Variants in GSN observed in about 807,000 individuals in gnomAD.
GSN encodes the protein actin-depolymerizing factor.
In GSN, 56 loss-of-function variants were observed where a neutral mutation model predicts 85.7. That is an observed-to-expected ratio of 0.65 (90% confidence interval 0.53 to 0.82). GSN has a LOEUF of 0.82. GSN is among the 40% of genes least tolerant of loss of function. GSN has a pLI of 0.00. For missense variants in GSN, 857 were observed against 979.8 expected (o/e 0.87, Z 1.67); for synonymous variants, 373 against 399.1 (o/e 0.93, Z 0.78).
chr9:121,268,598 C>CT (rs1198090206), intron 1 of GSN, among the ~76,000 whole-genome samples: 2 of 152,214 alleles, frequency 1.3e-5, no homozygotes, highest in South Asian at 2.1e-4. Flanking sequence ...CAGCTACGGT[C>CT]TGGGCGGTGA....
chr9:121,298,743 C>G (rs1279206023), intron 2 of GSN, among the ~76,000 whole-genome samples: 3 of 152,176 alleles, frequency 2.0e-5, no homozygotes, highest in Non-Finnish European at 2.9e-5. Context: ...AAGGGGAGGT[C>G]TGGGATACAA....
Position 121,332,803 on chromosome 9 carries a change from G to T in GSN, c.*200G>T. ...TTGCAAAATTGTCTAAAATGTCAGT[G>T]TTTGGGAAATTAAATCCAATAAAAA... On this transcript the variant is annotated 3_prime_UTR_variant, in exon 18 of 18. Transcript: ENST00000432226. This position sits in a 1 kb window ranked among gnomAD's most constrained non-coding sequence, Gnocchi z 4.8. 1.7e-6 allele frequency: 1 copy of T among 586,364 alleles called. No individual in the cohort carries two copies. The highest frequency in any genetic ancestry group is 3.0e-6 in the Non-Finnish European group (1 of 330,476). The allele number at this position is 586,364 out of a possible 1,614,324, so 36.3% of individuals were successfully genotyped here. A position where few individuals can be genotyped will look rare whatever the true frequency, so the allele number is the denominator to read the frequency against.
chr9:121,272,234 C>G (rs74981136), intron 1 of GSN, among the ~76,000 whole-genome samples: 1 of 152,186 alleles, frequency 6.6e-6, no homozygotes, highest in Non-Finnish European at 1.5e-5. Flanking sequence ...TGCCTGCTCT[C>G]GTCTGCCCTG....
At chr9:121,207,305 A>G (rs889277489), upstream of GSN, among the ~76,000 whole-genome samples, 1 of 152,224 alleles carries the variant, frequency 6.6e-6, no homozygotes, top group Non-Finnish European at 1.5e-5. Flanking sequence ...AGCAAGCAGC[A>G]TGAGCATCAG....
At chr9:121,215,462 G>C (rs2054045750) in intron 4 of GSN, among the ~76,000 whole-genome samples, 1 of 152,084 alleles carries the variant, frequency 6.6e-6, no homozygotes, top group Non-Finnish European at 1.5e-5. Flanking sequence ...GGGAGGCCGA[G>C]GTGGGTGGAT....
chr9:121,326,654 A>G lies in GSN; in HGVS notation c.1559A>G (p.Asn520Ser), dbSNP rs1291889856. 5 of 1,608,768 alleles carry G rather than the reference A, an allele frequency of 3.1e-6. No homozygotes were observed. In the Admixed American group the frequency reaches 6.8e-5, roughly 22 times the overall value. Residue 520 changes from asparagine to serine, a missense_variant, in exon 13 of 18, where the codon AAC becomes AGC. Physicochemically the swap from Asn to Ser is conservative, Grantham distance 46. Transcript: ENST00000432226. The part of the protein sequence containing the change: ...ASTRLFQVRA[N>S]SAGATRAVEV... Reference sequence around the variant, plus strand: ...ACCCGCCTCTTCCAGGTCCGCGCCAACAGCGCTGGAGCCACCCGGGCTGTT... The same window carrying G: ...ACCCGCCTCTTCCAGGTCCGCGCCAGCAGCGCTGGAGCCACCCGGGCTGTT...
Position 121,318,455 on chromosome 9 carries a change from T to G in GSN, c.936T>G (p.Ser312=). The change falls in exon 9 of 18, where the codon TCT becomes TCG. Residue 312 remains serine, a synonymous_variant. Transcript: ENST00000432226. The surrounding 1 kb of genome is among the most constrained non-coding windows in gnomAD (Gnocchi z 4.3). ...EERKAALKTA[S]DFITKMDYPK... The stretch of plus-strand genomic sequence containing the variant: ...GGAAGGCTGCCCTCAAAACAGCCTC[T>G]GACTTCATCACCAAGATGGACTACC... The G allele has an allele frequency of 6.2e-7, 1 of 1,614,138 alleles. No individual in the cohort carries two copies. The highest frequency in any genetic ancestry group is 1.7e-5 in the Admixed American group (1 of 60,032).
chr9:121,240,375 G>C (rs942680209), intron 5 of GSN, among the ~76,000 whole-genome samples: 1 of 152,172 alleles, frequency 6.6e-6, no homozygotes, highest in South Asian at 2.1e-4. Flanking sequence ...TCAGCTCTTG[G>C]GTGCTGATAT....
At chr9:121,291,162 T>A (rs1291569336) in intron 2 of GSN, among the ~76,000 whole-genome samples, 1 of 152,238 alleles carries the variant, frequency 6.6e-6, no homozygotes, top group Non-Finnish European at 1.5e-5. Context: ...ATTTACATTT[T>A]TATGTAACAA....
chr9:121,234,054 C>G (rs2054445177), intron 5 of GSN, among the ~76,000 whole-genome samples: 1 of 152,156 alleles, frequency 6.6e-6, no homozygotes, highest in Admixed American at 6.5e-5. Flanking sequence ...AATGCATGAC[C>G]TAAGCCTCGT....
Position 121,329,303 on chromosome 9 carries a change from C to T in GSN, c.1953C>T (p.Asp651=). Reference sequence around the variant, plus strand: ...CAACGGATGACGTCATGCTTCTGGACACCTGGGACCAGGTGGGTGAAGGAC... The same window carrying T: ...CAACGGATGACGTCATGCTTCTGGATACCTGGGACCAGGTGGGTGAAGGAC... ...DLATDDVMLL[D]TWDQVFVWVG... Residue 651 remains aspartate, a synonymous_variant, in exon 16 of 18, where the codon GAC becomes GAT. Transcript: ENST00000432226. This position sits in a 1 kb window ranked among gnomAD's most constrained non-coding sequence, Gnocchi z 4.6. 2.5e-6 allele frequency: 4 copies of T among 1,600,184 alleles called. No homozygotes were observed. The highest frequency in any genetic ancestry group is 1.1e-5 in the South Asian group (1 of 90,828).
rs887523048 is a variant in GSN, at chr9:121,312,568, T to A, written c.663+80T>A. Reference sequence around the variant, plus strand: ...CTTCTGTTCAGTAGGCAATTTGAGGTGAATTTGAGGAAAAAAAAAAACTTC... The same window carrying A: ...CTTCTGTTCAGTAGGCAATTTGAGGAGAATTTGAGGAAAAAAAAAAACTTC... On this transcript the variant is annotated intron_variant, in intron 6 of 17. Coordinates refer to ENST00000432226, the MANE Select transcript of GSN (RefSeq NM_198252.3). 5.3e-6 allele frequency: 6 copies of A among 1,132,464 alleles called. No individual in the cohort carries two copies. The African/African-American group carries it at 9.4e-5, about 18-fold the overall frequency. 70.2% of individuals were successfully genotyped at this position (1,132,464 alleles called of 1,614,324 possible).
chr9:121,237,531 A>T (rs189216221), intron 5 of GSN, among the ~76,000 whole-genome samples: 112 of 152,332 alleles, frequency 7.4e-4, no homozygotes, highest in Non-Finnish European at 1.3e-3. Flanking sequence ...AGCCTGAGCG[A>T]CAGAGCAAGA....
In GSN at chr9:121,299,212, T is replaced by C. The variant is rs1364679111; in HGVS notation, c.-9-2751T>C. Reference sequence around the variant, plus strand: ...AAGGAAAGAAAAGTAGGAGGGGCTATCCCAGGAGCTGAGCGTTCTGCCCCG... The same window carrying C: ...AAGGAAAGAAAAGTAGGAGGGGCTACCCCAGGAGCTGAGCGTTCTGCCCCG... On this transcript the variant is annotated intron_variant, in intron 2 of 17. Coordinates refer to ENST00000432226, the MANE Select transcript of GSN (RefSeq NM_198252.3). This position sits in a 1 kb window ranked among gnomAD's most constrained non-coding sequence, Gnocchi z 4.2. 2 of 536,960 alleles carry C rather than the reference T, an allele frequency of 3.7e-6. No homozygotes were observed. Among genetic ancestry groups the C allele is most frequent in the Middle Eastern group, 9.5e-4 (1 of 1,048 alleles). The allele number at this position is 536,960 out of a possible 1,614,324, so 33.3% of individuals were successfully genotyped here.
Position 121,318,501 on chromosome 9 carries a change from C to A in GSN, c.975+7C>A. 1 of 1,606,530 alleles carries A rather than the reference C, an allele frequency of 6.2e-7. No individual in the cohort carries two copies. Among genetic ancestry groups the A allele is most frequent in the Non-Finnish European group, 8.5e-7 (1 of 1,173,180 alleles). On this transcript the variant is annotated splice_region_variant and intron_variant, in intron 9 of 17. Transcript: ENST00000432226. The surrounding 1 kb of genome is among the most constrained non-coding windows in gnomAD (Gnocchi z 4.3). ...CTACCCCAAGCAGACTCAGGTGAGT[C>A]TTGGAGGCCAGGTAGGATGGGAAGG...
At position 121,302,170 on chromosome 9, in the gene GSN, G is replaced by A; in HGVS notation, c.196+3G>A. ...GTATGACCTCCACTACTGGCTGGGT[G>A]AGGCTGGCCCTGCCCAGCCCCTGCC... On this transcript the variant is annotated splice_donor_region_variant and intron_variant, in intron 3 of 17. Coordinates refer to ENST00000432226, the MANE Select transcript of GSN (RefSeq NM_198252.3). 1 of 1,613,578 alleles carries A rather than the reference G, an allele frequency of 6.2e-7. No individual in the cohort carries two copies. Among genetic ancestry groups the A allele is most frequent in the Middle Eastern group, 1.6e-4 (1 of 6,062 alleles).
chr9:121,244,699 A>G (rs1406326250), intron 5 of GSN, among the ~76,000 whole-genome samples: 1 of 152,246 alleles, frequency 6.6e-6, no homozygotes, highest in Admixed American at 6.5e-5. Context: ...TGGAAAACTA[A>G]TTGAATAAAT....
rs552118877 is a variant in GSN, at chr9:121,307,037, C to T, written c.352-3647C>T. Among the ~76,000 whole-genome samples the T allele has an allele frequency of 4.0e-3, 603 of 152,128 alleles. 10 individuals carry two copies. The highest frequency in any genetic ancestry group is 8.9e-3 in the African/African-American group (371 of 41,504). ...CTCTACTAAAAATACAAAAATTAGC[C>T]GGGCGTGGTGGCGGGTGCCCGTAAT... On this transcript the variant is annotated intron_variant, in intron 4 of 17. Transcript: ENST00000432226.
intron 2 of GSN, chr9:121,286,275 C>T: frequency 1.2e-6 from 1 of 816,848 alleles, no homozygotes; most frequent in East Asian, 2.7e-5. Flanking sequence ...CTCCTGACTC[C>T]TAGTTCAACA....
Sources: allele counts gnomAD v4.1 joint callset (sites outside exome capture counted in the v4.1 genomes callset), GRCh38; gene constraint gnomAD v4.1.1; non-coding constraint Gnocchi (gnomAD v3.1); transcripts MANE v1.5; gene names NCBI Gene and HGNC (gene_info 2026-07-23, HGNC 2026-07-21).